The following ME1 variants were observed in gnomAD, a reference collection of about 807,000 sequenced individuals.
ME1 encodes malic enzyme 1.
Under a neutral mutation model 66.4 loss-of-function variants are expected in ME1, and 74 were observed. The ratio of observed to expected loss-of-function variants is 1.11; its 90% CI spans 0.92 to 1.35. The LOEUF is 1.35. Among genes scored for constraint, ME1 ranks in the 40% most tolerant of loss-of-function variants. ME1 has a pLI of 0.00. For missense variants in ME1, 750 were observed against 694.1 expected (o/e 1.08, Z -0.90); for synonymous variants, 251 against 235.6 (o/e 1.07, Z -0.60).
chr6:83,293,518 A>AT (rs1767541708), intron 6 of ME1, among the ~76,000 whole-genome samples: 2 of 152,148 alleles, frequency 1.3e-5, no homozygotes, highest in Admixed American at 1.3e-4. Flanking sequence ...TAATATTACA[A>AT]TTTTCCACAG....
chr6:83,240,393 G>A (rs1790490255), intron 7 of ME1, among the ~76,000 whole-genome samples: 1 of 151,992 alleles, frequency 6.6e-6, no homozygotes, highest in Admixed American at 6.6e-5. Context: ...CAAAACTAAT[G>A]CAAAATTTCT....
rs1441201962 is a variant in ME1, at chr6:83,368,706, T to C, written c.363-16567A>G. Among the ~76,000 whole-genome samples the C allele has an allele frequency of 4.6e-5, 7 of 152,152 alleles. No homozygotes were observed. In the East Asian group the frequency reaches 1.3e-3, roughly 29 times the overall value. Reference sequence around the variant, plus strand: ...ACAATTTACTGAGTAGACCCTATCATATTTTTTGGCTTCTTATTAAGAAAG... The same window carrying C: ...ACAATTTACTGAGTAGACCCTATCACATTTTTTGGCTTCTTATTAAGAAAG... On this transcript the variant is annotated intron_variant, in intron 3 of 13. Coordinates refer to ENST00000369705, the MANE Select transcript of ME1 (RefSeq NM_002395.6).
intron 3 of ME1, among the ~76,000 whole-genome samples, chr6:83,353,996 T>A (rs1475017969): frequency 6.6e-6 from 1 of 152,156 alleles, no homozygotes; most frequent in Non-Finnish European, 1.5e-5. Context: ...TTCCTCCTAA[T>A]CACTACCTGC....
At chr6:83,330,925 C>T (rs953279575) in intron 5 of ME1, among the ~76,000 whole-genome samples, 2 of 152,146 alleles carry the variant, frequency 1.3e-5, no homozygotes, top group Non-Finnish European at 2.9e-5. Flanking sequence ...TCTCCCCTGG[C>T]TTTACTAATG....
intron 7 of ME1, among the ~76,000 whole-genome samples, chr6:83,242,348 A>G (rs1258657988): frequency 2.0e-5 from 3 of 152,238 alleles, no homozygotes; most frequent in African/African-American, 7.2e-5. Context: ...AATTTGTTAA[A>G]TCTGGTTAAA....
At position 83,281,546 on chromosome 6, in the gene ME1, C is replaced by T. The variant is rs111609708; in HGVS notation, c.705-27808G>A. On this transcript the variant is annotated intron_variant, in intron 6 of 13. Transcript: ENST00000369705. ...TCCGGCCAGGCACAGTGGCTTACAC[C>T]TGTAATCCCAGCACTTTGGGAGGCA... is the stretch of plus-strand genomic sequence containing the variant. Among the ~76,000 whole-genome samples the T allele has an allele frequency of 6.8e-3, 1,036 of 152,160 alleles. 27 individuals carry two copies. The highest frequency in any genetic ancestry group is 0.06 in the East Asian group (312 of 5,178).
intron 12 of ME1, 144 bp downstream of exon 12, chr6:83,223,616 C>T: frequency 1.5e-6 from 1 of 678,032 alleles, no homozygotes; most frequent in South Asian, 2.2e-5. Context: ...GCTACCCACC[C>T]CTTATACTCC....
At chr6:83,271,052 C>T (rs1390761056) in intron 6 of ME1, among the ~76,000 whole-genome samples, 1 of 150,860 alleles carries the variant, frequency 6.6e-6, no homozygotes, top group South Asian at 2.1e-4. Flanking sequence ...AACTAGAAAA[C>T]TGACACTACA....
chr6:83,216,632 T>C (rs745306723), intron 12 of ME1, 36 bp from the exon 13 acceptor site: 8 of 1,403,378 alleles, frequency 5.7e-6, no homozygotes. Context: ...GTGTTTATAC[T>C]TCACACGATA....
intron 12 of ME1, among the ~76,000 whole-genome samples, chr6:83,220,055 A>T (rs1409195236): frequency 6.6e-6 from 1 of 152,174 alleles, no homozygotes; most frequent in Non-Finnish European, 1.5e-5. Flanking sequence ...TATTTATATG[A>T]CATAATATGT....
chr6:83,420,421 G>A (rs569667096), intron 1 of ME1, among the ~76,000 whole-genome samples: 86 of 152,300 alleles, frequency 5.6e-4, no homozygotes, highest in African/African-American at 2.0e-3. Context: ...AAGTGATCCT[G>A]AAGATGACAG....
chr6:83,268,763 T>TATTATTA (rs1767034452), intron 6 of ME1, among the ~76,000 whole-genome samples: 1 of 150,210 alleles, frequency 6.7e-6, no homozygotes, highest in African/African-American at 2.4e-5. Context: ...TTATTATTAT[T>TATTATTA]GTATTTTTGG....
chr6:83,390,306 G>A (rs978445934), intron 3 of ME1, among the ~76,000 whole-genome samples: 1 of 152,086 alleles, frequency 6.6e-6, no homozygotes, highest in East Asian at 1.9e-4. Flanking sequence ...ACCATACACA[G>A]TAAGTATTAA....
Position 83,301,319 on chromosome 6 carries a change from TCTC to T in ME1, c.704+13988_704+13990del, listed in dbSNP as rs1335800509. On this transcript the variant is annotated intron_variant, in intron 6 of 13. Coordinates refer to ENST00000369705, the MANE Select transcript of ME1 (RefSeq NM_002395.6). ...TTCTTTCCTTCTTTCTTTCTTTCTC[TCTC>T]TCTCTCTCTCTCTCTCTTTCTTTCT... Among the ~76,000 whole-genome samples the T allele has an allele frequency of 3.1e-3, 354 of 115,922 alleles. 3 individuals carry two copies. The highest frequency in any genetic ancestry group is 0.014 in the African/African-American group (334 of 23,846). The allele number at this position is 115,922 out of a possible 152,430, so 76.0% of individuals were successfully genotyped here.
chr6:83,256,843 G>A (rs1441316396), intron 6 of ME1, among the ~76,000 whole-genome samples: 14 of 152,192 alleles, frequency 9.2e-5, no homozygotes, highest in East Asian at 1.9e-4. Flanking sequence ...CATATATGCC[G>A]TGAAATACTA....
intron 6 of ME1, among the ~76,000 whole-genome samples, chr6:83,271,981 C>G (rs1169615823): frequency 6.6e-6 from 1 of 152,186 alleles, no homozygotes; most frequent in Non-Finnish European, 1.5e-5. Context: ...TCCATCCCCT[C>G]AAGCATTTAT....
intron 6 of ME1, among the ~76,000 whole-genome samples, chr6:83,266,037 T>C (rs1413387651): frequency 6.6e-6 from 1 of 152,190 alleles, no homozygotes; most frequent in Non-Finnish European, 1.5e-5. Flanking sequence ...CTTAAAATAA[T>C]TGCTTGTAGG....
At chr6:83,353,087 TAG>T (rs1768830546) in intron 3 of ME1, among the ~76,000 whole-genome samples, 1 of 152,222 alleles carries the variant, frequency 6.6e-6, no homozygotes, top group Admixed American at 6.5e-5. Context: ...ATTTGTCTGG[TAG>T]AGTTTCCCTC....
rs764895342 is a variant in ME1, at chr6:83,211,890, C to G, written c.*34G>C. 5 of 1,417,714 alleles carry G rather than the reference C, an allele frequency of 3.5e-6. No homozygotes were observed. The East Asian group carries it at 1.0e-4, about 28-fold the overall frequency. 87.8% of individuals were successfully genotyped at this position (1,417,714 alleles called of 1,614,324 possible). ...TAAAAATTATGAAAGGTTTAAAGAC[C>G]TCATTAATAGAGTTAGAAATGTTTG... On this transcript the variant is annotated 3_prime_UTR_variant, in exon 14 of 14. Transcript: ENST00000369705.
Sources: gnomAD v4.1 joint callset for allele counts (sites outside exome capture counted in the v4.1 genomes callset) on GRCh38, gnomAD v4.1.1 for gene constraint, MANE v1.5 for transcripts, NCBI Gene and HGNC (gene_info 2026-07-23, HGNC 2026-07-21) for gene names.